TSHZ2: variants seen among roughly 807,000 people sequenced by gnomAD.
TSHZ2 encodes the protein teashirt zinc finger homeobox 2, also known as teashirt homolog 2.
In TSHZ2, 21 loss-of-function variants were observed where a neutral mutation model predicts 74.4. That is an observed-to-expected ratio of 0.28 (90% CI 0.20 to 0.41). The LOEUF is 0.41. TSHZ2 is among the 10% of genes least tolerant of loss of function. The pLI, the probability that TSHZ2 is intolerant of heterozygous loss-of-function variation, is 1.00. For synonymous variants in TSHZ2, 540 were observed against 515.3 expected (o/e 1.05, Z -0.65); for missense variants, 1,244 against 1,293.5 (o/e 0.96, Z 0.59).
intron 2 of TSHZ2, among the ~76,000 whole-genome samples, chr20:53,258,817 C>G (rs576480780): frequency 6.6e-6 from 1 of 152,166 alleles, no homozygotes; most frequent in African/African-American, 2.4e-5. Flanking sequence ...AAAGCTCCAT[C>G]CTTACAAGCA....
At chr20:53,123,155 C>T (rs1986858353) in intron 1 of TSHZ2, among the ~76,000 whole-genome samples, 1 of 152,204 alleles carries the variant, frequency 6.6e-6, no homozygotes, top group Non-Finnish European at 1.5e-5. Context: ...TAGGTATTGT[C>T]TCATCTATTT....
intron 2 of TSHZ2, among the ~76,000 whole-genome samples, chr20:53,284,024 C>T (rs58389674): frequency 1.9e-4 from 29 of 152,302 alleles, no homozygotes; most frequent in African/African-American, 6.3e-4. Context: ...AAAGTAAAAA[C>T]GGGTACAGTA....
intron 2 of TSHZ2, among the ~76,000 whole-genome samples, chr20:53,382,495 T>C (rs1981895729): frequency 6.6e-6 from 1 of 152,090 alleles, no homozygotes. Flanking sequence ...CCCAAGATTA[T>C]CCCACCATAT....
At chr20:53,247,448 G>A (rs1366796320) in intron 1 of TSHZ2, among the ~76,000 whole-genome samples, 1 of 152,126 alleles carries the variant, frequency 6.6e-6, no homozygotes, top group Non-Finnish European at 1.5e-5. Flanking sequence ...TCCAGGCCTG[G>A]CTACCCTTGA....
At chr20:53,458,966 G>A (rs1985232761) in intron 2 of TSHZ2, among the ~76,000 whole-genome samples, 1 of 152,192 alleles carries the variant, frequency 6.6e-6, no homozygotes, top group Non-Finnish European at 1.5e-5. Flanking sequence ...ATTTGCTGAG[G>A]AGAGCTTTAC....
At chr20:53,484,386 T>C (rs1375681859) in intron 2 of TSHZ2, among the ~76,000 whole-genome samples, 3 of 124,962 alleles carry the variant, frequency 2.4e-5, no homozygotes, top group Admixed American at 8.0e-5. Context: ...CTCTCTCTTT[T>C]TTTTTTTTTT....
intron 2 of TSHZ2, among the ~76,000 whole-genome samples, chr20:53,342,392 C>A (rs1980244567): frequency 6.7e-6 from 1 of 149,920 alleles, no homozygotes; most frequent in Non-Finnish European, 1.5e-5. Flanking sequence ...TCATATAAAC[C>A]TTAAAGAATG....
At chr20:53,350,946 C>T (rs1017132464) in intron 2 of TSHZ2, among the ~76,000 whole-genome samples, 2 of 152,194 alleles carry the variant, frequency 1.3e-5, no homozygotes, top group Non-Finnish European at 2.9e-5. Context: ...CACTTAGATA[C>T]TGGGCAGTTT....
rs181603020 is a variant in TSHZ2 at position 52,986,380 on chromosome 20, G to A, written c.40+13047G>A. ...GATTATGCCACTGCACTCCAGCCTG[G>A]GCAATGGAGCAAGAATCCATCAAAA... On this transcript the variant is annotated intron_variant, in intron 1 of 2. Coordinates refer to ENST00000371497, the MANE Select transcript of TSHZ2 (RefSeq NM_173485.6). Among the ~76,000 whole-genome samples, 5 of 147,726 alleles carry A rather than the reference G, an allele frequency of 3.4e-5. No individual in the cohort carries two copies. In the Admixed American group the frequency reaches 3.4e-4, roughly 10 times the overall value.
intron 1 of TSHZ2, among the ~76,000 whole-genome samples, chr20:53,227,740 C>T (rs190101827): frequency 5.9e-5 from 9 of 152,184 alleles, no homozygotes; most frequent in Non-Finnish European, 8.8e-5. Context: ...TCCTTGCTTT[C>T]GTGGCTTGCT....
intron 2 of TSHZ2, among the ~76,000 whole-genome samples, chr20:53,476,386 T>C (rs1323985921): frequency 1.3e-5 from 2 of 151,632 alleles, no homozygotes; most frequent in East Asian, 3.9e-4. Flanking sequence ...ATCCAGCATA[T>C]AAACAGAGCC....
At chr20:53,376,631 G>A (rs565363930) in intron 2 of TSHZ2, among the ~76,000 whole-genome samples, 1 of 152,294 alleles carries the variant, frequency 6.6e-6, no homozygotes, top group East Asian at 1.9e-4. Context: ...ACTTCCAGTT[G>A]GATTTCTCCA....
At chr20:53,241,342 A>G (rs1188011137) in intron 1 of TSHZ2, among the ~76,000 whole-genome samples, 1 of 152,168 alleles carries the variant, frequency 6.6e-6, no homozygotes, top group African/African-American at 2.4e-5. Context: ...GTTCCATATA[A>G]TTTGGCTCAT....
intron 2 of TSHZ2, among the ~76,000 whole-genome samples, chr20:53,382,513 T>C (rs1463111385): frequency 6.6e-6 from 1 of 152,112 alleles, no homozygotes; most frequent in Non-Finnish European, 1.5e-5. Flanking sequence ...TATGAGCCAA[T>C]GCAACACAGA....
intron 2 of TSHZ2, among the ~76,000 whole-genome samples, chr20:53,391,628 A>G (rs1982262385): frequency 6.6e-6 from 1 of 152,158 alleles, no homozygotes; most frequent in Non-Finnish European, 1.5e-5. Context: ...TTCCTTCTGA[A>G]TATTTAAGCA....
intron 2 of TSHZ2, among the ~76,000 whole-genome samples, chr20:53,320,509 T>C (rs1979214627): frequency 6.6e-6 from 1 of 152,188 alleles, no homozygotes; most frequent in South Asian, 2.1e-4. Flanking sequence ...TCAGTCATAT[T>C]TGTCATTAAA....
intron 1 of TSHZ2, among the ~76,000 whole-genome samples, chr20:53,150,619 TA>T (rs1470150902): frequency 9.3e-6 from 1 of 107,076 alleles, no homozygotes; most frequent in African/African-American, 3.6e-5. Flanking sequence ...TACAGGAAAA[TA>T]AAATAAAATA....
intron 1 of TSHZ2, among the ~76,000 whole-genome samples, chr20:53,159,840 T>C (rs931901517): frequency 6.6e-6 from 1 of 152,256 alleles, no homozygotes; most frequent in Non-Finnish European, 1.5e-5. Context: ...GTACCTGTAA[T>C]AGCAACAGCA....
At chr20:53,305,846 T>C (rs1978515414) in intron 2 of TSHZ2, among the ~76,000 whole-genome samples, 1 of 151,820 alleles carries the variant, frequency 6.6e-6, no homozygotes, top group Non-Finnish European at 1.5e-5. Context: ...GGCATGGCGG[T>C]GTGCACCTGT....
Sources: gnomAD v4.1 joint callset for allele counts (sites outside exome capture counted in the v4.1 genomes callset) on GRCh38, gnomAD v4.1.1 for gene constraint, MANE v1.5 for transcripts, NCBI Gene and HGNC (gene_info 2026-07-23, HGNC 2026-07-21) for gene names.